The following PDE10A variants were observed in gnomAD, a reference collection of about 807,000 sequenced individuals.
PDE10A encodes phosphodiesterase 10A.
Under a neutral mutation model 97.7 loss-of-function variants are expected in PDE10A, and 39 were observed. The ratio of observed to expected loss-of-function variants is 0.40; its 90% confidence interval spans 0.31 to 0.52. PDE10A has a LOEUF of 0.52. Among genes scored for constraint, PDE10A ranks in the 20% least tolerant of loss-of-function variants. The pLI, the probability that PDE10A is intolerant of heterozygous loss-of-function variation, is 0.56. For synonymous variants in PDE10A, 371 were observed against 376.8 expected, an observed-to-expected ratio of 0.98 and a Z score of 0.18; for missense variants, 731 against 1,047.8, an observed-to-expected ratio of 0.70 and a Z score of 4.17.
intron 2 of PDE10A, among the ~76,000 whole-genome samples, chr6:165,494,040 A>G (rs542765023): frequency 6.6e-6 from 1 of 152,200 alleles, no homozygotes; most frequent in South Asian, 2.1e-4. Context: ...AAGAAGATAT[A>G]CAAATGGCCA....
intron 1 of PDE10A, among the ~76,000 whole-genome samples, chr6:165,548,653 G>GCA (rs999082352): frequency 2.0e-5 from 3 of 152,166 alleles, no homozygotes; most frequent in Middle Eastern, 3.2e-3. Flanking sequence ...TGTGATGTCA[G>GCA]CAGCATTAGT....
At chr6:165,538,020 T>C (rs968097288) in intron 2 of PDE10A, among the ~76,000 whole-genome samples, 1 of 152,028 alleles carries the variant, frequency 6.6e-6, no homozygotes, top group African/African-American at 2.4e-5. Flanking sequence ...TAATTTAATA[T>C]CCTTCTTCCG....
intron 17 of PDE10A, among the ~76,000 whole-genome samples, chr6:165,385,023 A>T (rs915660904): frequency 6.6e-6 from 1 of 152,206 alleles, no homozygotes; most frequent in African/African-American, 2.4e-5. Flanking sequence ...TTGTGGATAA[A>T]CAGAAGTATC....
chr6:165,686,635 C>A (rs1461838144), intron 1 of PDE10A, among the ~76,000 whole-genome samples: 1 of 152,172 alleles, frequency 6.6e-6, no homozygotes, highest in African/African-American at 2.4e-5. Flanking sequence ...TGTTTTCAAT[C>A]GAATCATGAA....
At chr6:165,872,504 G>C (rs1781230626) in intron 1 of PDE10A, among the ~76,000 whole-genome samples, 1 of 152,150 alleles carries the variant, frequency 6.6e-6, no homozygotes, top group Non-Finnish European at 1.5e-5. Context: ...GTGCAGTGTG[G>C]GGGGAATTGT....
intron 1 of PDE10A, among the ~76,000 whole-genome samples, chr6:165,685,377 C>T (rs1324231663): frequency 1.3e-5 from 2 of 151,696 alleles, no homozygotes; most frequent in Admixed American, 6.6e-5. Flanking sequence ...CATCCTTCTG[C>T]TTGGGGCTTT....
intron 1 of PDE10A, among the ~76,000 whole-genome samples, chr6:165,619,389 A>ACTG (rs1562634641): frequency 3.6e-3 from 11 of 3,068 alleles, no homozygotes; most frequent in East Asian, 7.7e-3. Context: ...GTAGTCTAGT[A>ACTG]TAGTGTAGTG....
At chr6:165,784,222 CAAAAAAA>C (rs796915265) in intron 1 of PDE10A, among the ~76,000 whole-genome samples, 1 of 116,660 alleles carries the variant, frequency 8.6e-6, no homozygotes, top group Non-Finnish European at 1.8e-5. Context: ...GACTCCATCT[CAAAAAAA>C]AAAAAAGAAA....
intron 1 of PDE10A, among the ~76,000 whole-genome samples, chr6:165,968,023 C>T (rs923518287): frequency 5.3e-5 from 8 of 152,158 alleles, no homozygotes; most frequent in African/African-American, 1.9e-4. Context: ...AGAAAGATGT[C>T]CAAGGTTAGG....
intron 1 of PDE10A, among the ~76,000 whole-genome samples, chr6:165,571,755 T>C (rs1027027247): frequency 9.9e-5 from 15 of 152,232 alleles, no homozygotes; most frequent in Admixed American, 7.2e-4. Flanking sequence ...CACGCTACAC[T>C]GTTTGAAGCT....
rs370519393 is a variant in PDE10A, at chr6:165,683,564, T to C, written c.-614-139996A>G. Among the ~76,000 whole-genome samples the C allele has an allele frequency of 3.9e-5, 6 of 152,322 alleles. No homozygotes were observed. In the East Asian group the frequency reaches 7.7e-4, roughly 20 times the overall value. ...TGAGATCTTGGTGAGGTCATTTTTG[T>C]TCCAAATAACTGAATATTAAGTGCC... On this transcript the variant is annotated intron_variant, in intron 1 of 19. Coordinates refer to the PDE10A transcript ENST00000366882.
At chr6:165,353,940 C>T (rs1782862219) in intron 18 of PDE10A, among the ~76,000 whole-genome samples, 1 of 152,074 alleles carries the variant, frequency 6.6e-6, no homozygotes, top group African/African-American at 2.4e-5. Flanking sequence ...GTGCAGGATA[C>T]CAACAGTGGG....
chr6:165,616,259 G>A (rs967824948), intron 1 of PDE10A, among the ~76,000 whole-genome samples: 10 of 152,072 alleles, frequency 6.6e-5, no homozygotes, highest in African/African-American at 2.2e-4. Context: ...CTGACAAAAC[G>A]ATTCTGAAAA....
intron 1 of PDE10A, among the ~76,000 whole-genome samples, chr6:165,721,741 A>G (rs1458456874): frequency 6.6e-6 from 1 of 152,236 alleles, no homozygotes; most frequent in Non-Finnish European, 1.5e-5. Context: ...TAGATTCACT[A>G]TCTGTGCAAA....
intron 3 of PDE10A, among the ~76,000 whole-genome samples, chr6:165,469,232 G>C (rs973364174): frequency 2.6e-5 from 4 of 152,108 alleles, no homozygotes; most frequent in African/African-American, 9.7e-5. Flanking sequence ...TAAGATTATG[G>C]GTTTTGCCTT....
chr6:165,637,766 G>T (rs999825365), intron 1 of PDE10A, among the ~76,000 whole-genome samples: 10 of 152,170 alleles, frequency 6.6e-5, no homozygotes, highest in Non-Finnish European at 1.2e-4. Flanking sequence ...CGTCCTCCCA[G>T]ATTTGTACTC....
intron 1 of PDE10A, among the ~76,000 whole-genome samples, chr6:165,691,099 T>TCTTTCTC (rs34189554): frequency 5.6e-5 from 3 of 53,268 alleles, no homozygotes; most frequent in African/African-American, 3.5e-4. Context: ...CTCTCTCTCT[T>TCTTTCTC]TCTCTCTCCC....
chr6:165,429,839 C>T (rs1482334496), intron 9 of PDE10A, among the ~76,000 whole-genome samples: 3 of 151,898 alleles, frequency 2.0e-5, no homozygotes, highest in Non-Finnish European at 4.4e-5. Context: ...AAAACATTTT[C>T]TCAGAAATGA....
chr6:165,360,883 C>T (rs1446931251), intron 18 of PDE10A, among the ~76,000 whole-genome samples: 9 of 152,082 alleles, frequency 5.9e-5, no homozygotes, highest in Admixed American at 5.2e-4. Flanking sequence ...ACTGTGGGTA[C>T]ACCAATGCTG....
Sources: gnomAD v4.1 joint callset for allele counts (sites outside exome capture counted in the v4.1 genomes callset) on GRCh38, gnomAD v4.1.1 for gene constraint, MANE v1.5 for transcripts, NCBI Gene and HGNC (gene_info 2026-07-23, HGNC 2026-07-21) for gene names.